Variants in SYTL5 observed in about 807,000 individuals in gnomAD.
The protein encoded by SYTL5 is synaptotagmin-like protein 5.
Under a neutral mutation model 55.9 loss-of-function variants are expected in SYTL5, and 34 were observed. The observed-to-expected ratio is 0.61, with a 90% CI of 0.46 to 0.81. The LOEUF (loss-of-function observed/expected upper bound fraction) is 0.81. Among genes scored for constraint, SYTL5 ranks in the 30% least tolerant of loss-of-function variants. SYTL5 has a pLI of 0.00. For synonymous variants in SYTL5, 221 were observed against 188.7 expected (o/e 1.17, Z -1.40); for missense variants, 637 against 546.7 (o/e 1.17, Z -1.65).
chrX:38,071,826 A>G (rs760600204), intron 3 of SYTL5, among the ~76,000 whole-genome samples: 90 of 112,231 alleles, frequency 8.0e-4, no homozygotes, highest in Non-Finnish European at 9.0e-4. Flanking sequence ...TAAGGTTGCT[A>G]TGTGGATAAA....
the SYTL5 span, among the ~76,000 whole-genome samples, chrX:37,934,641 T>G: frequency 1.1e-5 from 1 of 94,898 alleles, no homozygotes; most frequent in Non-Finnish European, 2.0e-5. Flanking sequence ...TTTTTTTTTC[T>G]TTTTTTTTTT....
At chrX:38,040,059 C>T (rs1935237192) in intron 2 of SYTL5, among the ~76,000 whole-genome samples, 2 of 109,881 alleles carry the variant, frequency 1.8e-5, no homozygotes, top group Non-Finnish European at 3.8e-5. Flanking sequence ...CCTGTAGTCC[C>T]AGCTACTGGG....
chrX:37,934,235 A>G, the SYTL5 span, among the ~76,000 whole-genome samples: 2 of 110,633 alleles, frequency 1.8e-5, no homozygotes, highest in African/African-American at 6.6e-5. Flanking sequence ...GAGGAAGACC[A>G]GTTGCTGAGG....
chrX:38,096,949 C>T lies in SYTL5; in HGVS notation c.1062+715C>T, dbSNP rs190122004. Among the ~76,000 whole-genome samples, 14 of 111,297 alleles carry T rather than the reference C, an allele frequency of 1.3e-4. No individual in the cohort carries two copies. In the East Asian group the frequency reaches 2.8e-3, roughly 22 times the overall value. On this transcript the variant is annotated intron_variant, in intron 9 of 16. Coordinates refer to ENST00000297875, the MANE Select transcript of SYTL5 (RefSeq NM_138780.3). ...TGAGATTAAATTATTTCAAAGTTTA[C>T]TCATGTTCAACCTTTAAAGAATTAC...
the SYTL5 span, among the ~76,000 whole-genome samples, chrX:37,902,217 T>G: frequency 1.6e-3 from 181 of 112,293 alleles, 1 homozygote; most frequent in Non-Finnish European, 8.1e-4. Flanking sequence ...CAGCCTTGCA[T>G]GATTCTTGCC....
intron 1 of SYTL5, among the ~76,000 whole-genome samples, chrX:38,028,309 A>G (rs754536694): frequency 1.2e-4 from 13 of 112,581 alleles, no homozygotes; most frequent in Non-Finnish European, 1.9e-4. Flanking sequence ...AGGAAAATGC[A>G]TCATTCCAGT....
intron 3 of SYTL5, among the ~76,000 whole-genome samples, chrX:38,055,110 C>G (rs986359166): frequency 5.4e-5 from 6 of 111,822 alleles, no homozygotes; most frequent in African/African-American, 2.0e-4. Context: ...GATAATTTCC[C>G]TGAGACATTC....
At chrX:37,943,937 T>C in the SYTL5 span, among the ~76,000 whole-genome samples, 1 of 111,406 alleles carries the variant, frequency 9.0e-6, no homozygotes, top group African/African-American at 3.3e-5. Context: ...CCTTTATTTT[T>C]TTCTCTCCCA....
intron 6 of SYTL5, among the ~76,000 whole-genome samples, chrX:38,079,926 A>T (rs747569967): frequency 4.4e-5 from 5 of 112,477 alleles, no homozygotes; most frequent in African/African-American, 1.6e-4. Context: ...TATAGTTGAG[A>T]CTAACAACTG....
At chrX:37,889,026 G>C in the SYTL5 span, among the ~76,000 whole-genome samples, 4 of 111,939 alleles carry the variant, frequency 3.6e-5, no homozygotes, top group African/African-American at 1.3e-4. Flanking sequence ...AACTGGAGTT[G>C]TGAGCAGGTC....
the SYTL5 span, among the ~76,000 whole-genome samples, chrX:37,894,376 T>C: frequency 8.9e-6 from 1 of 111,845 alleles, no homozygotes; most frequent in African/African-American, 3.2e-5. Flanking sequence ...GCCAAACAGT[T>C]TTCCAAAGGA....
At position 38,127,226 on chromosome X, in the gene SYTL5, G is replaced by A. The variant is rs1937678216; in HGVS notation, c.*496G>A. ...TGAGCAAGGGGATTGTCCTGTTATT[G>A]CAGCAAACTTGTGGATTAACCAAGT... On this transcript the variant is annotated 3_prime_UTR_variant, in exon 17 of 17. Coordinates refer to ENST00000297875, the MANE Select transcript of SYTL5 (RefSeq NM_138780.3). 1 of 112,495 alleles carries A rather than the reference G, an allele frequency of 8.9e-6. No homozygotes were observed. Among genetic ancestry groups the A allele is most frequent in the African/African-American group, 3.2e-5 (1 of 30,806 alleles). The allele number at this position is 112,495 out of a possible 1,213,427, so 9.3% of individuals were successfully genotyped here. A position where few individuals can be genotyped will look rare whatever the true frequency, so the allele number is the denominator to read the frequency against.
At chrX:38,083,827 G>A (rs1282302026) in intron 6 of SYTL5, among the ~76,000 whole-genome samples, 1 of 95,996 alleles carries the variant, frequency 1.0e-5, no homozygotes, top group African/African-American at 4.5e-5. Context: ...CATAGGCACT[G>A]TGGTGTTAAT....
intron 6 of SYTL5, among the ~76,000 whole-genome samples, chrX:38,077,357 T>C (rs1231866807): frequency 1.8e-5 from 2 of 111,656 alleles, no homozygotes; most frequent in African/African-American, 6.5e-5. Context: ...GAGAAAAAAA[T>C]ATCCACCTTC....
At chrX:38,049,876 GT>G (rs2147281296) in intron 2 of SYTL5, among the ~76,000 whole-genome samples, 1 of 112,128 alleles carries the variant, frequency 8.9e-6, no homozygotes, top group Non-Finnish European at 1.9e-5. Context: ...CTGTAATGCT[GT>G]TTTTACAGAA....
At chrX:37,942,608 A>G in the SYTL5 span, among the ~76,000 whole-genome samples, 1 of 111,541 alleles carries the variant, frequency 9.0e-6, no homozygotes, top group African/African-American at 3.3e-5. Context: ...GCTTAATTCC[A>G]GGTCTTCTCT....
At chrX:37,927,844 T>A in the SYTL5 span, among the ~76,000 whole-genome samples, 1 of 111,561 alleles carries the variant, frequency 9.0e-6, no homozygotes, top group Non-Finnish European at 1.9e-5. Context: ...TGTCTTATCG[T>A]GTACTTGCCC....
Position 38,089,499 on chromosome X carries a change from C to T in SYTL5, c.743C>T (p.Pro248Leu), listed in dbSNP as rs771664426. 16 of 1,208,338 alleles carry T rather than the reference C, an allele frequency of 1.3e-5. No individual in the cohort carries two copies. The highest frequency in any genetic ancestry group is 2.3e-4 in the Middle Eastern group (1 of 4,359). Residue 248 changes from proline (P) to leucine (L), a missense_variant, in exon 7 of 17, where the codon CCG (proline) becomes CTG (leucine). Coordinates refer to ENST00000297875, the MANE Select transcript of SYTL5 (RefSeq NM_138780.3). Reference protein sequence around the residue: ...LNDQEPGPRTPKSSRSNGVTP... With the variant: ...LNDQEPGPRTLKSSRSNGVTP... Reference sequence around the variant, plus strand: ...GACCAGGAACCTGGTCCTAGGACCCCGAAGAGCAGTCGGAGCAATGGTGTG... The same window carrying T: ...GACCAGGAACCTGGTCCTAGGACCCTGAAGAGCAGTCGGAGCAATGGTGTG...
intron 8 of SYTL5, among the ~76,000 whole-genome samples, chrX:38,095,769 G>GTT (rs5902176): frequency 0.1 from 11,043 of 107,327 alleles, 1,027 homozygotes; most frequent in African/African-American, 0.28. Context: ...AATTGTTAAT[G>GTT]TTTTTTTTTC....
Sources: allele counts gnomAD v4.1 joint callset (sites outside exome capture counted in the v4.1 genomes callset), GRCh38; gene constraint gnomAD v4.1.1; transcripts MANE v1.5; gene names NCBI Gene and HGNC (gene_info 2026-07-23, HGNC 2026-07-21).